The following GHRHR variants were observed in gnomAD, a reference collection of about 807,000 sequenced individuals.
GHRHR encodes the protein growth hormone-releasing hormone receptor.
Under a neutral mutation model 58.3 loss-of-function variants are expected in GHRHR, and 40 were observed. The ratio of observed to expected loss-of-function variants is 0.69; its 90% CI spans 0.53 to 0.89. The LOEUF (loss-of-function observed/expected upper bound fraction) is 0.89, where lower values mean the gene tolerates loss of function less well. Ranked by LOEUF, GHRHR falls within the 40% of genes least tolerant of loss-of-function variation. The pLI is 0.00. For missense variants in GHRHR, 551 were observed against 541.3 expected, an observed-to-expected ratio of 1.02 and a Z score of -0.18; for synonymous variants, 249 against 216.6, an observed-to-expected ratio of 1.15 and a Z score of -1.31.
At chr7:30,975,126 T>G in intron 9 of GHRHR, 86 bp downstream of exon 9, 1 of 931,354 alleles carries the variant, frequency 1.1e-6, no homozygotes, top group Non-Finnish European at 1.8e-6. Context: ...GAAATGCAAC[T>G]CCAGGCTGGG....
At chr7:30,974,849 A>G (rs1032727288) in intron 8 of GHRHR, 122 bp from the exon 9 acceptor site, 1 of 785,242 alleles carries the variant, frequency 1.3e-6, no homozygotes, top group Non-Finnish European at 2.3e-6. Context: ...TGGCTGAGAC[A>G]GGAGAAAAGG....
intron 3 of GHRHR, 148 bp downstream of exon 3, chr7:30,969,318 T>C (rs1792432354): frequency 1.4e-6 from 1 of 691,340 alleles, no homozygotes; most frequent in Non-Finnish European, 2.6e-6. Flanking sequence ...CAGTCTATCC[T>C]GATCTCTGCT....
At chr7:30,967,896 G>A (rs1236493579) in intron 1 of GHRHR, among the ~76,000 whole-genome samples, 1 of 152,190 alleles carries the variant, frequency 6.6e-6, no homozygotes, top group Non-Finnish European at 1.5e-5. Context: ...GGTTTCCAGT[G>A]GGGTAAATCC....
At chr7:30,969,459 G>A in intron 3 of GHRHR, 1 of 594,114 alleles carries the variant, frequency 1.7e-6, no homozygotes, top group Non-Finnish European at 3.0e-6. Context: ...GGTGGAGGAG[G>A]GCAGGCCTGC....
intron 11 of GHRHR, 137 bp downstream of exon 11, chr7:30,976,695 G>A: frequency 1.3e-6 from 1 of 745,792 alleles, no homozygotes; most frequent in Non-Finnish European, 2.3e-6. Context: ...CTGTCTGTCT[G>A]TCCATCTTCC....
In GHRHR at chr7:30,964,267, G is replaced by T; in HGVS notation, c.57+142G>T. 3.9e-6 allele frequency: 3 copies of T among 773,970 alleles called. No homozygotes were observed. In the South Asian group the frequency reaches 4.4e-5, roughly 11 times the overall value. 47.9% of individuals were successfully genotyped at this position (773,970 alleles called of 1,614,324 possible). A position where few individuals can be genotyped will look rare whatever the true frequency, so the allele number is the denominator to read the frequency against. On this transcript the variant is annotated intron_variant, in intron 1 of 12. Transcript: ENST00000326139. ...CCCTACGAGCAGGTGGCAGGCTGTG[G>T]CTTGGAGAGCCCCTGACACTGGGGC...
At position 30,963,968 on chromosome 7, in the gene GHRHR, G is replaced by A; in HGVS notation, c.-101G>A. 9.1e-7 allele frequency: 1 copy of A among 1,098,336 alleles called. No homozygotes were observed. Among genetic ancestry groups the A allele is most frequent in the Non-Finnish European group, 1.4e-6 (1 of 739,034 alleles). 68.0% of individuals were successfully genotyped at this position (1,098,336 alleles called of 1,614,324 possible). A position where few individuals can be genotyped will look rare whatever the true frequency, so the allele number is the denominator to read the frequency against. ...GCAAACAGCCACCTGAGAAGGGGAA[G>A]CAGAGGGTGCGGTGGAAACGGCTGT... On this transcript the variant is annotated 5_prime_UTR_variant, in exon 1 of 13. Coordinates refer to ENST00000326139, the MANE Select transcript of GHRHR (RefSeq NM_000823.4).
At chr7:30,970,025 A>T (rs1434567724) in intron 4 of GHRHR, 61 bp downstream of exon 4, 1 of 802,958 alleles carries the variant, frequency 1.2e-6, no homozygotes, top group Non-Finnish European at 2.3e-6. Context: ...GGGTGGGTGC[A>T]CAACTGTAGG....
intron 1 of GHRHR, 134 bp downstream of exon 1, chr7:30,964,259 A>T: frequency 1.2e-6 from 1 of 829,730 alleles, no homozygotes; most frequent in Non-Finnish European, 2.0e-6. Flanking sequence ...AGCAGGTGGC[A>T]GGCTGTGGCT....
At chr7:30,974,392 A>T (rs756012786) in intron 7 of GHRHR, 37 bp from the exon 8 acceptor site, 12 of 1,481,430 alleles carry the variant, frequency 8.1e-6, no homozygotes, top group Non-Finnish European at 1.1e-5. Context: ...TCAAGGATGC[A>T]GACTCCCTCG....
At chr7:30,973,471 C>G (rs972647589) in intron 6 of GHRHR, among the ~76,000 whole-genome samples, 7 of 152,202 alleles carry the variant, frequency 4.6e-5, no homozygotes, top group Non-Finnish European at 1.0e-4. Flanking sequence ...GGGATCAAAC[C>G]TGGGCCAACT....
chr7:30,973,385 A>C (rs955043657), intron 6 of GHRHR, among the ~76,000 whole-genome samples: 1 of 152,228 alleles, frequency 6.6e-6, no homozygotes, highest in African/African-American at 2.4e-5. Context: ...AGCTTGAAGA[A>C]GAAAGCATCA....
intron 9 of GHRHR, 70 bp downstream of exon 9, chr7:30,975,110 C>T (rs1762701085): frequency 9.3e-7 from 1 of 1,075,274 alleles, no homozygotes; most frequent in Non-Finnish European, 1.5e-6. Flanking sequence ...GGGCTGTGCA[C>T]AGCAGGAAAT....
At chr7:30,974,332 T>G in intron 7 of GHRHR, 97 bp from the exon 8 acceptor site, 1 of 1,110,164 alleles carries the variant, frequency 9.0e-7, no homozygotes, top group South Asian at 1.2e-5. Context: ...GCCTTTGCAG[T>G]GCCCTACGTG....
chr7:30,964,467 T>C (rs941563356), intron 1 of GHRHR, among the ~76,000 whole-genome samples: 2 of 152,164 alleles, frequency 1.3e-5, no homozygotes, highest in Non-Finnish European at 2.9e-5. Flanking sequence ...TCAGAATTGG[T>C]GAGGCAAAGT....
intron 1 of GHRHR, among the ~76,000 whole-genome samples, chr7:30,964,438 T>C (rs1792299327): frequency 6.6e-6 from 1 of 152,148 alleles, no homozygotes; most frequent in Non-Finnish European, 1.5e-5. Flanking sequence ...AGAGACTCTG[T>C]CTGCCACAAG....
chr7:30,970,978 C>T lies in GHRHR; in HGVS notation c.367-141C>T. The T allele has an allele frequency of 7.2e-6, 5 of 697,510 alleles. No homozygotes were observed. The South Asian group carries it at 7.5e-5, about 11-fold the overall frequency. The allele number at this position is 697,510 out of a possible 1,614,324, so 43.2% of individuals were successfully genotyped here. A position where few individuals can be genotyped will look rare whatever the true frequency, so the allele number is the denominator to read the frequency against. On this transcript the variant is annotated intron_variant, in intron 4 of 12. Transcript: ENST00000326139. ...GCTCCAGTGCACAGGGGGAGCTTTC[C>T]ATGGTACTCGCGGACACCTCTGCCT...
chr7:30,969,099 C>A lies in GHRHR; in HGVS notation c.197C>A (p.Pro66Gln), dbSNP rs577536745. Residue 66 changes from proline (P) to glutamine (Q), a missense_variant, in exon 3 of 13, where the codon CCA becomes CAA. Transcript: ENST00000326139. ...ACCTGGGATGGGCTGCTGTGCTGGC[C>A]AACGGCAGGCTCTGGCGAGTGGGTC... is the stretch of plus-strand genomic sequence containing the variant. ...PATWDGLLCWPTAGSGEWVTL... is the reference protein window; with the variant it reads ...PATWDGLLCWQTAGSGEWVTL... The A allele has an allele frequency of 6.3e-7, 1 of 1,581,496 alleles. No homozygotes were observed. The highest frequency in any genetic ancestry group is 1.2e-5 in the South Asian group (1 of 86,436).
Position 30,977,275 on chromosome 7 carries a change from C to A in GHRHR, c.1105-6C>A, listed in dbSNP as rs765589408. 4.0e-5 allele frequency: 64 copies of A among 1,613,748 alleles called. No homozygotes were observed. Among genetic ancestry groups the A allele is most frequent in the Non-Finnish European group, 4.9e-5 (58 of 1,179,768 alleles). On this transcript the variant is annotated splice_polypyrimidine_tract_variant and splice_region_variant and intron_variant, in intron 11 of 12. Transcript: ENST00000326139. ...CTGATGGGGTCTTTCTTCTTTGGAC[C>A]CACAGGGCTTCATTGTTGCCATCCT...
Sources: allele counts gnomAD v4.1 joint callset (sites outside exome capture counted in the v4.1 genomes callset), GRCh38; gene constraint gnomAD v4.1.1; transcripts MANE v1.5; gene names NCBI Gene and HGNC (gene_info 2026-07-23, HGNC 2026-07-21).